Variants in GRID1 observed in about 807,000 individuals in gnomAD.
GRID1 encodes glutamate receptor ionotropic, delta-1.
A neutral mutation model predicts 98.0 loss-of-function variants in GRID1; 28 were observed. The ratio of observed to expected loss-of-function variants is 0.29; its 90% CI spans 0.21 to 0.39. GRID1 has a LOEUF of 0.39. GRID1 is among the 10% of genes least tolerant of loss of function. The probability of loss-of-function intolerance (pLI) is 1.00; values close to 1 mark genes in which losing one functional copy is unlikely to be tolerated. For missense variants in GRID1, 1,111 were observed against 1,340.5 expected, an observed-to-expected ratio of 0.83 and a Z score of 2.67; for synonymous variants, 553 against 538.5, an observed-to-expected ratio of 1.03 and a Z score of -0.37.
intron 5 of GRID1, among the ~76,000 whole-genome samples, chr10:85,880,886 C>A (rs865878964): frequency 0.047 from 7,194 of 152,198 alleles, 251 homozygotes; most frequent in Non-Finnish European, 0.071. Context: ...ACTGTCTAAG[C>A]CCAAAATCTC....
At chr10:85,995,924 T>C (rs1324285336) in intron 4 of GRID1, among the ~76,000 whole-genome samples, 1 of 152,198 alleles carries the variant, frequency 6.6e-6, no homozygotes, top group East Asian at 1.9e-4. Context: ...CTAATCAGTA[T>C]ATAAAAGCTG....
intron 4 of GRID1, among the ~76,000 whole-genome samples, chr10:85,941,261 C>G (rs77391243): frequency 0.054 from 8,243 of 152,170 alleles, 268 homozygotes; most frequent in Middle Eastern, 0.11. Context: ...CTCACAGAGC[C>G]TGAACCTTTT....
intron 4 of GRID1, among the ~76,000 whole-genome samples, chr10:86,031,284 T>C (rs1843182137): frequency 6.6e-6 from 1 of 152,162 alleles, no homozygotes. Flanking sequence ...TGGAGGCCAT[T>C]ATTCTAAGCA....
rs997744637 is a variant in GRID1 at position 86,199,634 on chromosome 10, C to A, written c.520+6730G>T. 5.3e-5 allele frequency among the ~76,000 whole-genome samples: 8 copies of A among 152,146 alleles called. 1 individual carries two copies. The highest frequency in any genetic ancestry group is 1.0e-4 in the Non-Finnish European group (7 of 67,984). On this transcript the variant is annotated intron_variant, in intron 3 of 15. Coordinates refer to ENST00000327946, the MANE Select transcript of GRID1 (RefSeq NM_017551.3). ...TGATGTGAGCAAGGGCAGCTCCACG[C>A]TCTTTCAGGGCACCCAGCATGAAGC...
chr10:85,677,838 G>T (rs919323453), intron 12 of GRID1, among the ~76,000 whole-genome samples: 3 of 152,124 alleles, frequency 2.0e-5, no homozygotes, highest in African/African-American at 7.2e-5. Context: ...ACAATGGGGG[G>T]AGGTGAAGAG....
chr10:85,750,797 A>G (rs569417216), intron 8 of GRID1, among the ~76,000 whole-genome samples: 126 of 152,326 alleles, frequency 8.3e-4, no homozygotes, highest in Non-Finnish European at 1.5e-3. Flanking sequence ...CACAAAGATG[A>G]TCATCAGAGA....
At chr10:86,139,621 T>C (rs1232334114) in intron 3 of GRID1, among the ~76,000 whole-genome samples, 1 of 152,200 alleles carries the variant, frequency 6.6e-6, no homozygotes, top group Non-Finnish European at 1.5e-5. Flanking sequence ...TTTTCCTTGA[T>C]AAAACATTCC....
intron 5 of GRID1, among the ~76,000 whole-genome samples, chr10:85,902,253 G>A (rs906346425): frequency 1.3e-5 from 2 of 152,160 alleles, no homozygotes; most frequent in African/African-American, 4.8e-5. Context: ...TGACTAATGG[G>A]TGGGTGGTGC....
chr10:86,161,499 T>C (rs1419990906), intron 3 of GRID1, among the ~76,000 whole-genome samples: 1 of 152,096 alleles, frequency 6.6e-6, no homozygotes, highest in Non-Finnish European at 1.5e-5. Flanking sequence ...AGAAATGCCC[T>C]AACCCCATTA....
chr10:85,764,528 G>C (rs969721101), intron 8 of GRID1, among the ~76,000 whole-genome samples: 10 of 152,290 alleles, frequency 6.6e-5, no homozygotes, highest in South Asian at 2.1e-4. Context: ...GCTGCTGCAG[G>C]TGAACCCCGT....
At chr10:86,354,455 C>T (rs928476065) in intron 2 of GRID1, among the ~76,000 whole-genome samples, 10 of 152,200 alleles carry the variant, frequency 6.6e-5, no homozygotes, top group African/African-American at 2.4e-4. Flanking sequence ...AGCCCCAAGG[C>T]GCTAAGCACC....
intron 2 of GRID1, among the ~76,000 whole-genome samples, chr10:86,218,364 C>T (rs1846206064): frequency 6.6e-6 from 1 of 152,078 alleles, no homozygotes; most frequent in Admixed American, 6.5e-5. Context: ...CTGCTAGGCC[C>T]TCAGCTGTCT....
chr10:85,706,260 A>G (rs1364008716), intron 12 of GRID1, among the ~76,000 whole-genome samples: 1 of 152,240 alleles, frequency 6.6e-6, no homozygotes, highest in African/African-American at 2.4e-5. Context: ...CAACTTCAGC[A>G]AAGTCTCAGG....
In GRID1 at chr10:85,605,043, G is replaced by T. The variant is rs145423162; in HGVS notation, c.2602-2342C>A. Among the ~76,000 whole-genome samples the T allele has an allele frequency of 3.3e-5, 5 of 152,342 alleles. No homozygotes were observed. The East Asian group carries it at 9.7e-4, about 29-fold the overall frequency. On this transcript the variant is annotated intron_variant, in intron 15 of 15. Transcript: ENST00000327946. Reference sequence around the variant, plus strand: ...GACAGAGAGACAGAAAGCAGCAGGTGCTTCATCTGCTGCAGCAGTGGGACT... The same window carrying T: ...GACAGAGAGACAGAAAGCAGCAGGTTCTTCATCTGCTGCAGCAGTGGGACT...
At position 86,206,505 on chromosome 10, in the gene GRID1, C is replaced by A. The variant is rs148951309; in HGVS notation, c.379G>T (p.Ala127Ser). ...TCGGGGCTGGGGTTCAGGTGGCATGCGGTGCGTGGCGACCCTCCCGGGTTG... is the reference window on the plus strand; with the variant it reads ...TCGGGGCTGGGGTTCAGGTGGCATGAGGTGCGTGGCGACCCTCCCGGGTTG... ...QRNPGGSPRTACHLNPSPDGE... is the reference protein window; with the variant it reads ...QRNPGGSPRTSCHLNPSPDGE... The change falls in exon 3 of 16, where the codon GCA becomes TCA. Residue 127 changes from alanine to serine, a missense_variant. Around this residue, in one of 3 missense-constraint regions of GRID1, gnomAD observed 346 missense variants for 452.3 expected, o/e 0.76. Transcript: ENST00000327946. This position sits in a 1 kb window ranked among gnomAD's most constrained non-coding sequence, Gnocchi z 4.1. The A allele has an allele frequency of 5.0e-6, 8 of 1,614,200 alleles. No individual in the cohort carries two copies. In the South Asian group the frequency reaches 7.7e-5, roughly 16 times the overall value.
intron 4 of GRID1, among the ~76,000 whole-genome samples, chr10:85,927,698 A>G (rs1841795098): frequency 1.3e-5 from 2 of 152,330 alleles, no homozygotes; most frequent in South Asian, 2.1e-4. Context: ...CGAGAAACAC[A>G]TCAATATTTC....
At position 86,158,599 on chromosome 10, in the gene GRID1, G is replaced by A. The variant is rs563529042; in HGVS notation, c.521-19575C>T. On this transcript the variant is annotated intron_variant, in intron 3 of 15. Coordinates refer to ENST00000327946, the MANE Select transcript of GRID1 (RefSeq NM_017551.3). ...GGTCACGGAGGTACCACAGAGATGG[G>A]AAATTATTCAAAGAGGCAATCTGGG... Among the ~76,000 whole-genome samples, 26 of 152,348 alleles carry A rather than the reference G, an allele frequency of 1.7e-4. No individual in the cohort carries two copies. The South Asian group carries it at 5.4e-3, about 32-fold the overall frequency.
chr10:85,778,493 G>C (rs1461140495), intron 8 of GRID1, among the ~76,000 whole-genome samples: 4 of 152,274 alleles, frequency 2.6e-5, no homozygotes, highest in South Asian at 4.1e-4. Context: ...CATCATTATA[G>C]CGCCCCAGGA....
At chr10:86,055,812 A>AC (rs1843564847) in intron 4 of GRID1, among the ~76,000 whole-genome samples, 1 of 127,104 alleles carries the variant, frequency 7.9e-6, no homozygotes, top group Non-Finnish European at 1.7e-5. Flanking sequence ...CTGTGCTCTC[A>AC]TTCTCTCTCT....
Sources: allele counts gnomAD v4.1 joint callset (sites outside exome capture counted in the v4.1 genomes callset), GRCh38; gene constraint gnomAD v4.1.1; regional missense constraint gnomAD v4.1.1; non-coding constraint Gnocchi (gnomAD v3.1); transcripts MANE v1.5; gene names NCBI Gene and HGNC (gene_info 2026-07-23, HGNC 2026-07-21).